The following B3GNT7 variants were observed in gnomAD, a reference collection of about 807,000 sequenced individuals.
B3GNT7 encodes BGnT-7.
A neutral mutation model predicts 5.1 loss-of-function variants in B3GNT7; 9 were observed. That is an observed-to-expected ratio of 1.77 (90% CI 1.07 to 3.09). The LOEUF (loss-of-function observed/expected upper bound fraction) is 3.09. B3GNT7 is among the 30% of genes most tolerant of loss of function. The pLI, the probability that B3GNT7 is intolerant of heterozygous loss-of-function variation, is 0.00. For missense variants in B3GNT7, 468 were observed against 550.8 expected (o/e 0.85, Z 1.50); for synonymous variants, 253 against 248.6 (o/e 1.02, Z -0.17).
In B3GNT7 at chr2:231,400,828, GAAGT is replaced by G. The variant is rs2046557041; in HGVS notation, c.*1907_*1910del. The stretch of plus-strand genomic sequence containing the variant: ...GAAAGCAAAAAGCTGGAAAGAAACA[GAAGT>G]AAGATAAATAGCTAGACGACCTTGG... On this transcript the variant is annotated 3_prime_UTR_variant, in exon 2 of 2. Transcript: ENST00000287590. The G allele has an allele frequency of 3.3e-5, 5 of 152,320 alleles. No individual in the cohort carries two copies. In the South Asian group the frequency reaches 6.2e-4, roughly 19 times the overall value. The allele number at this position is 152,320 out of a possible 1,614,324, so 9.4% of individuals were successfully genotyped here.
In B3GNT7 at chr2:231,401,043, C is replaced by T. The variant is rs923355329; in HGVS notation, c.*2118C>T. The T allele has an allele frequency of 2.0e-5, 3 of 152,208 alleles. No individual in the cohort carries two copies. The highest frequency in any genetic ancestry group is 4.4e-5 in the Non-Finnish European group (3 of 68,034). 9.4% of individuals were successfully genotyped at this position (152,208 alleles called of 1,614,324 possible). On this transcript the variant is annotated 3_prime_UTR_variant, in exon 2 of 2. Transcript: ENST00000287590. ...TACTTGATCTATTATGACCCTTTCA[C>T]GTGGACCCCTTAGAGTTGTAAGCTC...
chr2:231,398,835 G>T lies in B3GNT7; in HGVS notation c.1116G>T (p.Val372=). ...KEPCFFRAML[V]VHKLLPPELL... ...CGTGCTTTTTCCGCGCCATGCTCGT[G>T]GTGCACAAGCTGCTGCCCCCTGAGC... Residue 372 remains valine, a synonymous_variant, in exon 2 of 2, where the codon GTG becomes GTT. Transcript: ENST00000287590. 1 of 1,602,482 alleles carries T rather than the reference G, an allele frequency of 6.2e-7. No individual in the cohort carries two copies. The highest frequency in any genetic ancestry group is 2.2e-5 in the East Asian group (1 of 44,876).
At chr2:231,397,485 A>C (rs1278440836) in intron 1 of B3GNT7, among the ~76,000 whole-genome samples, 1 of 152,142 alleles carries the variant, frequency 6.6e-6, no homozygotes, top group Admixed American at 6.5e-5. Context: ...TAAACCACTC[A>C]TTCAGCTTGT....
In B3GNT7 at chr2:231,397,280, G is replaced by C. The variant is rs1003311700; in HGVS notation, c.12-451G>C. ...TACCGATACCTACTGCTGTGGGTAG[G>C]TACACCGCAGGGAAATGAAAGGCAT... is the stretch of plus-strand genomic sequence containing the variant. On this transcript the variant is annotated intron_variant, in intron 1 of 1. Transcript: ENST00000287590. The C allele has an allele frequency of 1.3e-5, 13 of 985,292 alleles. No individual in the cohort carries two copies. In the Admixed American group the frequency reaches 6.0e-4, roughly 45 times the overall value. The allele number at this position is 985,292 out of a possible 1,614,324, so 61.0% of individuals were successfully genotyped here. A position where few individuals can be genotyped will look rare whatever the true frequency, so the allele number is the denominator to read the frequency against.
At position 231,395,784 on chromosome 2, in the gene B3GNT7, C is replaced by T; in HGVS notation, c.-20C>T. On this transcript the variant is annotated 5_prime_UTR_variant, in exon 1 of 2. Coordinates refer to ENST00000287590, the MANE Select transcript of B3GNT7 (RefSeq NM_145236.3). This position sits in a 1 kb window ranked among gnomAD's most constrained non-coding sequence, Gnocchi z 7.3. Reference sequence around the variant, plus strand: ...GAGCTGCGAGCCGCTCGCCCCTCCGCCGCTCCGGCCCGGGCCGCCATGTCG... The same window carrying T: ...GAGCTGCGAGCCGCTCGCCCCTCCGTCGCTCCGGCCCGGGCCGCCATGTCG... 8.5e-7 allele frequency: 1 copy of T among 1,171,644 alleles called. No individual in the cohort carries two copies. The highest frequency in any genetic ancestry group is 1.1e-6 in the Non-Finnish European group (1 of 950,066). 72.6% of individuals were successfully genotyped at this position (1,171,644 alleles called of 1,614,324 possible).
Position 231,399,149 on chromosome 2 carries a change from G to A in B3GNT7, c.*224G>A. On this transcript the variant is annotated 3_prime_UTR_variant, in exon 2 of 2. Coordinates refer to ENST00000287590, the MANE Select transcript of B3GNT7 (RefSeq NM_145236.3). The stretch of plus-strand genomic sequence containing the variant: ...GCCCAGGAACGGTTGGAGCTGCCCA[G>A]TCTGGAGGCCCTCTCTGAGGAGCGA... 1.8e-6 allele frequency: 1 copy of A among 564,192 alleles called. No individual in the cohort carries two copies. Among genetic ancestry groups the A allele is most frequent in the African/African-American group, 1.9e-5 (1 of 53,418 alleles). The allele number at this position is 564,192 out of a possible 1,614,324, so 34.9% of individuals were successfully genotyped here.
Position 231,398,062 on chromosome 2 carries a change from C to G in B3GNT7, c.343C>G (p.Arg115Gly). Reference sequence around the variant, plus strand: ...GCAGTTCCGGCAGTTTCTCTTCTACCGCCACTGCCGCTACTTCCCCATGCT... The same window carrying G: ...GCAGTTCCGGCAGTTTCTCTTCTACGGCCACTGCCGCTACTTCCCCATGCT... ...EPQFRQFLFY[R>G]HCRYFPMLLN... The change falls in exon 2 of 2, where the codon CGC becomes GGC. Residue 115 changes from arginine (R) to glycine (G), a missense_variant. Coordinates refer to ENST00000287590, the MANE Select transcript of B3GNT7 (RefSeq NM_145236.3). 2 of 1,610,968 alleles carry G rather than the reference C, an allele frequency of 1.2e-6. 1 individual carries two copies. Among genetic ancestry groups the G allele is most frequent in the Non-Finnish European group, 1.7e-6 (2 of 1,179,864 alleles).
rs1290411677 is a variant in B3GNT7, at chr2:231,397,118, G to T, written c.12-613G>T. On this transcript the variant is annotated intron_variant, in intron 1 of 1. Transcript: ENST00000287590. ...TGTTGGGTGAGACAGACTGGAGAAG[G>T]GGGAGGAGGGCCAGTCTTCCTCAGG... The T allele has an allele frequency of 8.2e-6, 7 of 853,604 alleles. No homozygotes were observed. In the East Asian group the frequency reaches 8.5e-4, roughly 104 times the overall value. 52.9% of individuals were successfully genotyped at this position (853,604 alleles called of 1,614,324 possible).
In B3GNT7 at chr2:231,395,960, G is replaced by A; in HGVS notation, c.11+146G>A. 2 of 466,108 alleles carry A rather than the reference G, an allele frequency of 4.3e-6. No individual in the cohort carries two copies. The allele number at this position is 466,108 out of a possible 1,614,324, so 28.9% of individuals were successfully genotyped here. A position where few individuals can be genotyped will look rare whatever the true frequency, so the allele number is the denominator to read the frequency against. On this transcript the variant is annotated intron_variant, in intron 1 of 1. Coordinates refer to ENST00000287590, the MANE Select transcript of B3GNT7 (RefSeq NM_145236.3). This position sits in a 1 kb window ranked among gnomAD's most constrained non-coding sequence, Gnocchi z 7.3. ...GCGCCGGCCTCAGTTTCCCGGGGGC[G>A]GATGGGCGGGCGGGCGCGGCGGCGG...
chr2:231,397,458 G>A (rs963740889), intron 1 of B3GNT7, among the ~76,000 whole-genome samples: 1 of 152,146 alleles, frequency 6.6e-6, no homozygotes, highest in Admixed American at 6.5e-5. Context: ...AGAAGAAATC[G>A]TGGCTCAGAG....
Position 231,398,928 on chromosome 2 carries a change from C to T in B3GNT7, c.*3C>T, listed in dbSNP as rs368886748. 13 of 1,562,776 alleles carry T rather than the reference C, an allele frequency of 8.3e-6. No individual in the cohort carries two copies. In the African/African-American group the frequency reaches 1.8e-4, roughly 21 times the overall value. On this transcript the variant is annotated 3_prime_UTR_variant, in exon 2 of 2. Coordinates refer to ENST00000287590, the MANE Select transcript of B3GNT7 (RefSeq NM_145236.3). Reference sequence around the variant, plus strand: ...CCCGCAAGCTCCAGGTGCTCTGACCCCAGCCGGGCTACTAGGACAGGCCAG... The same window carrying T: ...CCCGCAAGCTCCAGGTGCTCTGACCTCAGCCGGGCTACTAGGACAGGCCAG...
At position 231,398,786 on chromosome 2, in the gene B3GNT7, G is replaced by C; in HGVS notation, c.1067G>C (p.Arg356Pro). Residue 356 changes from arginine (R) to proline (P), a missense_variant, in exon 2 of 2, where the codon CGC (arginine) becomes CCC (proline). Transcript: ENST00000287590. The part of the protein sequence containing the change: ...GFKTFGISRN[R>P]NSRMNKEPCF... ...AAGACTTTCGGCATCTCCCGGAACC[G>C]CAACAGCCGCATGAACAAGGAGCCG... The C allele has an allele frequency of 6.2e-7, 1 of 1,606,966 alleles. No individual in the cohort carries two copies. Among genetic ancestry groups the C allele is most frequent in the Non-Finnish European group, 8.5e-7 (1 of 1,179,838 alleles).
Position 231,397,994 on chromosome 2 carries a change from A to G in B3GNT7, c.275A>G (p.Asn92Ser), listed in dbSNP as rs751787225. ...GTGACCACCACTAACTGCTCAGCCA[A>G]TATCAACTTGACCCACCAGCCCTGG... ...WDVTTTNCSA[N>S]INLTHQPWFQ... Residue 92 changes from asparagine to serine, a missense_variant, in exon 2 of 2, where the codon AAT becomes AGT. Physicochemically the swap from Asn to Ser is conservative, Grantham distance 46. Transcript: ENST00000287590. 17 of 1,611,202 alleles carry G rather than the reference A, an allele frequency of 1.1e-5. No individual in the cohort carries two copies. Among genetic ancestry groups the G allele is most frequent in the Non-Finnish European group, 1.4e-5 (17 of 1,179,884 alleles).
Position 231,398,838 on chromosome 2 carries a change from G to A in B3GNT7, c.1119G>A (p.Val373=), listed in dbSNP as rs2046540071. 1 of 1,601,954 alleles carries A rather than the reference G, an allele frequency of 6.2e-7. No individual in the cohort carries two copies. Among genetic ancestry groups the A allele is most frequent in the Non-Finnish European group, 8.5e-7 (1 of 1,179,662 alleles). Residue 373 remains valine, a synonymous_variant, in exon 2 of 2, where the codon GTG becomes GTA. Coordinates refer to ENST00000287590, the MANE Select transcript of B3GNT7 (RefSeq NM_145236.3). ...EPCFFRAMLV[V]HKLLPPELLA... The stretch of plus-strand genomic sequence containing the variant: ...GCTTTTTCCGCGCCATGCTCGTGGT[G>A]CACAAGCTGCTGCCCCCTGAGCTGC...
rs1447693852 is a variant in B3GNT7 at position 231,398,923 on chromosome 2, T to A, written c.1204T>A (p.Ter402ArgextTer6). The change falls in exon 2 of 2, where the codon TGA becomes AGA. Residue 402 changes from the stop codon to arginine, a stop_lost. Coordinates refer to ENST00000287590, the MANE Select transcript of B3GNT7 (RefSeq NM_145236.3). ...CTGCTCCCGCAAGCTCCAGGTGCTC[T>A]GACCCCAGCCGGGCTACTAGGACAG... ...LTCSRKLQVL[*>R] 6.4e-7 allele frequency: 1 copy of A among 1,570,074 alleles called. No individual in the cohort carries two copies. The highest frequency in any genetic ancestry group is 1.3e-5 in the African/African-American group (1 of 74,278).
At chr2:231,397,221 C>G (rs1310086727) in intron 1 of B3GNT7, 2 of 985,678 alleles carry the variant, frequency 2.0e-6, no homozygotes, top group African/African-American at 1.7e-5. Context: ...AGAGGGTGCC[C>G]TCTCAATGAC....
rs761634187 is a variant in B3GNT7 at position 231,398,276 on chromosome 2, G to A, written c.557G>A (p.Arg186His). Reference protein sequence around the residue: ...LLGTASKQEERTHYQQLLAYE... With the variant: ...LLGTASKQEEHTHYQQLLAYE... Reference sequence around the variant, plus strand: ...GGCACGGCCTCCAAGCAGGAGGAGCGCACGCACTACCAGCAGCTGCTGGCC... The same window carrying A: ...GGCACGGCCTCCAAGCAGGAGGAGCACACGCACTACCAGCAGCTGCTGGCC... The change falls in exon 2 of 2, where the codon CGC becomes CAC. Residue 186 changes from arginine (R) to histidine (H), a missense_variant. By Grantham distance (29) the Arg-to-His change is conservative (BLOSUM62 0). Coordinates refer to ENST00000287590, the MANE Select transcript of B3GNT7 (RefSeq NM_145236.3). 16 of 1,612,802 alleles carry A rather than the reference G, an allele frequency of 9.9e-6. No individual in the cohort carries two copies. The highest frequency in any genetic ancestry group is 3.3e-5 in the South Asian group (3 of 91,090).
rs919877387 is a variant in B3GNT7, at chr2:231,400,887, GATA to G, written c.*1969_*1971del. Reference sequence around the variant, plus strand: ...ACCACCTGGCCCTGGTGGTTAAAATGATAATAATATTAACCCCTGACCAAAACG... The same window carrying G: ...ACCACCTGGCCCTGGTGGTTAAAATGATAATATTAACCCCTGACCAAAACG... On this transcript the variant is annotated 3_prime_UTR_variant, in exon 2 of 2. Coordinates refer to ENST00000287590, the MANE Select transcript of B3GNT7 (RefSeq NM_145236.3). 1.3e-5 allele frequency: 2 copies of G among 152,206 alleles called. No individual in the cohort carries two copies. Among genetic ancestry groups the G allele is most frequent in the African/African-American group, 2.4e-5 (1 of 41,542 alleles). 9.4% of individuals were successfully genotyped at this position (152,206 alleles called of 1,614,324 possible). A position where few individuals can be genotyped will look rare whatever the true frequency, so the allele number is the denominator to read the frequency against.
chr2:231,396,449 C>G (rs2046515015), intron 1 of B3GNT7, among the ~76,000 whole-genome samples: 1 of 152,204 alleles, frequency 6.6e-6, no homozygotes, highest in Admixed American at 6.5e-5. Flanking sequence ...GGTCACACCC[C>G]CCAGCCTGCA....
Sources: gnomAD v4.1 joint callset for allele counts (sites outside exome capture counted in the v4.1 genomes callset) on GRCh38, gnomAD v4.1.1 for gene constraint, Gnocchi (gnomAD v3.1) non-coding constraint, MANE v1.5 for transcripts, NCBI Gene and HGNC (gene_info 2026-07-23, HGNC 2026-07-21) for gene names.